SBNO1: variants seen among roughly 807,000 people sequenced by gnomAD.
SBNO1 encodes the protein strawberry notch homolog 1.
A neutral mutation model predicts 173.6 loss-of-function variants in SBNO1; 23 were observed. The observed-to-expected ratio is 0.13, with a 90% CI of 0.10 to 0.19. The LOEUF (loss-of-function observed/expected upper bound fraction) is 0.19. Ranked by LOEUF, SBNO1 falls within the 10% of genes least tolerant of loss-of-function variation. The pLI is 1.00. For missense variants in SBNO1, 1,238 were observed against 1,671.2 expected, an observed-to-expected ratio of 0.74 and a Z score of 4.52; for synonymous variants, 632 against 571.5, an observed-to-expected ratio of 1.11 and a Z score of -1.51.
intron 30 of SBNO1, among the ~76,000 whole-genome samples, chr12:123,301,467 A>T (rs1282992219): frequency 6.6e-6 from 1 of 152,212 alleles, no homozygotes; most frequent in Non-Finnish European, 1.5e-5. Flanking sequence ...CTCAAGCTAA[A>T]ATTCATTTAC....
At chr12:123,355,564 A>G (rs1009948226) in intron 1 of SBNO1, among the ~76,000 whole-genome samples, 1 of 151,940 alleles carries the variant, frequency 6.6e-6, no homozygotes, top group Admixed American at 6.6e-5. Flanking sequence ...AGATCGCAGC[A>G]CTGCACTCCA....
chr12:123,329,224 T>C (rs767688334), intron 9 of SBNO1, among the ~76,000 whole-genome samples: 1 of 151,844 alleles, frequency 6.6e-6, no homozygotes, highest in Admixed American at 6.6e-5. Context: ...CTACAAAAAA[T>C]ACAAAAATTA....
chr12:123,319,814 A>AAT, intron 20 of SBNO1, 86 bp downstream of exon 20: 1 of 1,181,154 alleles, frequency 8.5e-7, no homozygotes, highest in Admixed American at 2.0e-5. Context: ...CATGACTTAT[A>AAT]TTAAAAGGAA....
At chr12:123,312,844 A>C (rs1374357903) in intron 24 of SBNO1, among the ~76,000 whole-genome samples, 1 of 152,070 alleles carries the variant, frequency 6.6e-6, no homozygotes, top group Admixed American at 6.6e-5. Flanking sequence ...TCCCACCCCA[A>C]CCAATCAATC....
In SBNO1 at chr12:123,328,812, A is replaced by C; in HGVS notation, c.1218T>G (p.Gly406=). 6.2e-7 allele frequency: 1 copy of C among 1,610,698 alleles called. No homozygotes were observed. ...VIFATYSSLI[G]ESQSGGKYKT... ...TATACTTGCCGCCAGACTGGCTTTC[A>C]CCAATAAGTGAAGAGTAAGTAGCAA... The change falls in exon 10 of 32, where the codon GGT becomes GGG. Residue 406 remains glycine, a synonymous_variant. Coordinates refer to ENST00000602398, the MANE Select transcript of SBNO1 (RefSeq NM_001167856.3).
At chr12:123,354,637 T>C (rs1157288798) in intron 1 of SBNO1, among the ~76,000 whole-genome samples, 1 of 152,204 alleles carries the variant, frequency 6.6e-6, no homozygotes, top group Non-Finnish European at 1.5e-5. Flanking sequence ...CTTAAAAACT[T>C]GTATTAGCCA....
intron 4 of SBNO1, among the ~76,000 whole-genome samples, chr12:123,342,246 G>C (rs1201657700): frequency 6.6e-6 from 1 of 151,272 alleles, no homozygotes; most frequent in Admixed American, 6.6e-5. Context: ...GTAAAACTCT[G>C]TCTCAAAAAA....
At chr12:123,296,834 T>C (rs1196140166) in intron 31 of SBNO1, among the ~76,000 whole-genome samples, 3 of 151,106 alleles carry the variant, frequency 2.0e-5, no homozygotes, top group African/African-American at 2.4e-5. Flanking sequence ...GCTGGGATTA[T>C]AGGTGTGAGC....
At chr12:123,362,504 G>A (rs952755705) in intron 1 of SBNO1, among the ~76,000 whole-genome samples, 8 of 144,492 alleles carry the variant, frequency 5.5e-5, no homozygotes, top group African/African-American at 1.5e-4. Flanking sequence ...GGTGGCTCAC[G>A]GCTGTAATTC....
At chr12:123,339,074 C>A (rs1872232925) in intron 5 of SBNO1, among the ~76,000 whole-genome samples, 1 of 152,082 alleles carries the variant, frequency 6.6e-6, no homozygotes, top group African/African-American at 2.4e-5. Flanking sequence ...AATATGCATT[C>A]TTAGTTTCCA....
intron 29 of SBNO1, among the ~76,000 whole-genome samples, chr12:123,303,393 C>T (rs2048840943): frequency 6.6e-6 from 1 of 152,154 alleles, no homozygotes; most frequent in Non-Finnish European, 1.5e-5. Context: ...TGCCTATAAT[C>T]CCAGCACTTT....
At chr12:123,362,265 T>C (rs28631104) in intron 1 of SBNO1, among the ~76,000 whole-genome samples, 79,312 of 150,688 alleles carry the variant, frequency 0.53, 25,120 homozygotes, top group East Asian at 0.7. Flanking sequence ...TGAAACCCCG[T>C]CTCTACTAAA....
intron 8 of SBNO1, among the ~76,000 whole-genome samples, chr12:123,331,036 C>T (rs1871154867): frequency 6.6e-6 from 1 of 152,128 alleles, no homozygotes; most frequent in Non-Finnish European, 1.5e-5. Flanking sequence ...AATGTCGGCT[C>T]ACTGCAAGCT....
intron 24 of SBNO1, among the ~76,000 whole-genome samples, chr12:123,311,749 T>TATATATATATATATATATA (rs1566027871): frequency 7.0e-6 from 1 of 141,924 alleles, no homozygotes; most frequent in Admixed American, 7.1e-5. Context: ...TATATATATA[T>TATATATATATATATATATA]TTTTGCGACA....
chr12:123,349,503 C>T (rs1335338769), intron 2 of SBNO1, among the ~76,000 whole-genome samples: 1 of 140,444 alleles, frequency 7.1e-6, no homozygotes, highest in Non-Finnish European at 1.5e-5. Flanking sequence ...GATACTCCCA[C>T]AAGAACACTA....
chr12:123,330,612 A>G (rs1303424446), intron 8 of SBNO1, 103 bp from the exon 9 acceptor site: 15 of 590,906 alleles, frequency 2.5e-5, no homozygotes, highest in Admixed American at 4.1e-5. Flanking sequence ...AAAAAAAAAA[A>G]AAAAGAAAAA....
intron 24 of SBNO1, among the ~76,000 whole-genome samples, chr12:123,311,720 C>CTATATATATA (rs56718635): frequency 1.3e-3 from 160 of 127,406 alleles, no homozygotes; most frequent in African/African-American, 4.5e-3. Flanking sequence ...ATCTATCTAT[C>CTATATATATA]TATATATATA....
At chr12:123,324,476 C>T (rs957995307) in intron 15 of SBNO1, among the ~76,000 whole-genome samples, 8 of 152,008 alleles carry the variant, frequency 5.3e-5, no homozygotes, top group African/African-American at 1.9e-4. Flanking sequence ...TGCCCGCCAC[C>T]ACGCCTGGCT....
At chr12:123,340,129 G>A (rs1872348828) in intron 5 of SBNO1, among the ~76,000 whole-genome samples, 1 of 152,106 alleles carries the variant, frequency 6.6e-6, no homozygotes, top group Non-Finnish European at 1.5e-5. Flanking sequence ...ACTTAATCCA[G>A]ATGGTTGTCA....
Sources: allele counts gnomAD v4.1 joint callset (sites outside exome capture counted in the v4.1 genomes callset), GRCh38; gene constraint gnomAD v4.1.1; transcripts MANE v1.5; gene names NCBI Gene and HGNC (gene_info 2026-07-23, HGNC 2026-07-21).